HOXB3: variants seen among roughly 807,000 people sequenced by gnomAD.
HOXB3 encodes the protein homeobox B3.
Under a neutral mutation model 29.2 loss-of-function variants are expected in HOXB3, and 17 were observed. The ratio of observed to expected loss-of-function variants is 0.58; its 90% CI spans 0.40 to 0.87. The LOEUF (loss-of-function observed/expected upper bound fraction) is 0.87, where lower values mean the gene tolerates loss of function less well. Among genes scored for constraint, HOXB3 ranks in the 40% least tolerant of loss-of-function variants. HOXB3 has a pLI of 0.00. For missense variants in HOXB3, 637 were observed against 616.3 expected, an observed-to-expected ratio of 1.03 and a Z score of -0.35; for synonymous variants, 317 against 285.9, an observed-to-expected ratio of 1.11 and a Z score of -1.10.
At chr17:48,561,436 A>G (rs2069195185) in intron 2 of HOXB3, among the ~76,000 whole-genome samples, 1 of 152,250 alleles carries the variant, frequency 6.6e-6, no homozygotes, top group African/African-American at 2.4e-5. Flanking sequence ...GGAATAGTCC[A>G]GATTCCAGTG....
chr17:48,555,417 A>C, intron 3 of HOXB3, 114 bp downstream of exon 3: 1 of 688,788 alleles, frequency 1.5e-6, no homozygotes, highest in Non-Finnish European at 2.7e-6. Flanking sequence ...CGTGGAAGGA[A>C]GCTTAAAGCT....
intron 1 of HOXB3, chr17:48,578,289 T>C (rs1348539633): frequency 1.1e-5 from 17 of 1,611,604 alleles, no homozygotes; most frequent in Admixed American, 1.7e-5. Context: ...TCGACATAGT[T>C]TGAGTTGATC....
chr17:48,555,675 C>A (rs2068956767), intron 2 of HOXB3, 57 bp from the exon 3 acceptor site: 1 of 694,688 alleles, frequency 1.4e-6, no homozygotes, highest in African/African-American at 1.8e-5. Flanking sequence ...CCCCGCCCCC[C>A]CGCCCCCGCC....
intron 1 of HOXB3, chr17:48,577,030 C>T (rs899388207): frequency 3.2e-6 from 5 of 1,572,818 alleles, no homozygotes; most frequent in Non-Finnish European, 4.3e-6. Flanking sequence ...ACTGGACACA[C>T]ACGGAGAGAG....
intron 1 of HOXB3, chr17:48,580,359 G>T (rs1344011450): frequency 7.3e-6 from 1 of 137,588 alleles, no homozygotes; most frequent in Non-Finnish European, 1.5e-5. Context: ...AACCCCAATC[G>T]GCTCCTCCGT....
chr17:48,555,866 C>T (rs965698793), intron 2 of HOXB3, among the ~76,000 whole-genome samples: 6 of 152,170 alleles, frequency 3.9e-5, no homozygotes, highest in African/African-American at 1.4e-4. Context: ...AATCCAGCTC[C>T]GGGCTCCAGC....
intron 2 of HOXB3, among the ~76,000 whole-genome samples, chr17:48,566,673 C>G (rs1471335125): frequency 3.3e-5 from 5 of 152,152 alleles, no homozygotes; most frequent in African/African-American, 1.2e-4. Flanking sequence ...ATGCTGAATT[C>G]AGAAGCTAAT....
At chr17:48,586,288 A>C (rs1181615279) in intron 1 of HOXB3, among the ~76,000 whole-genome samples, 1 of 152,208 alleles carries the variant, frequency 6.6e-6, no homozygotes, top group African/African-American at 2.4e-5. Flanking sequence ...TTGGGATCCG[A>C]CAGGTTCCCG....
intron 1 of HOXB3, chr17:48,578,399 C>T (rs912661794): frequency 5.3e-5 from 81 of 1,514,552 alleles, no homozygotes; most frequent in Non-Finnish European, 6.8e-5. Context: ...GAAAGCCCTC[C>T]TACTTACTGT....
chr17:48,549,981 T>G lies in HOXB3; in HGVS notation c.*353A>C. The G allele has an allele frequency of 4.6e-6, 1 of 215,264 alleles. No homozygotes were observed. Among genetic ancestry groups the G allele is most frequent in the Non-Finnish European group, 9.3e-6 (1 of 107,326 alleles). The allele number at this position is 215,264 out of a possible 1,614,324, so 13.3% of individuals were successfully genotyped here. On this transcript the variant is annotated 3_prime_UTR_variant, in exon 5 of 5. Coordinates refer to ENST00000498678, the MANE Select transcript of HOXB3 (RefSeq NM_001384749.1). ...TTGGTTGGTGATGGCCTAGCCATCT[T>G]GTCTGGTTTTTAAAATGTGCTTTTC...
At chr17:48,584,240 G>A (rs1049630817) in intron 1 of HOXB3, among the ~76,000 whole-genome samples, 6 of 152,340 alleles carry the variant, frequency 3.9e-5, no homozygotes, top group African/African-American at 1.4e-4. Flanking sequence ...ATCCAAATAG[G>A]AAGAGAAGGA....
chr17:48,587,152 G>A (rs576032320), intron 1 of HOXB3, among the ~76,000 whole-genome samples: 25 of 152,222 alleles, frequency 1.6e-4, no homozygotes, highest in African/African-American at 5.5e-4. Context: ...CATGTGCAGA[G>A]GGCCCTCCAA....
At chr17:48,577,822 G>T in intron 1 of HOXB3, 1 of 1,374,868 alleles carries the variant, frequency 7.3e-7, no homozygotes. Context: ...TTGGTGTAAA[G>T]CTCCAGGGGT....
chr17:48,566,869 C>T (rs1420838855), intron 2 of HOXB3, among the ~76,000 whole-genome samples: 1 of 152,178 alleles, frequency 6.6e-6, no homozygotes, highest in Non-Finnish European at 1.5e-5. Context: ...AGAAGTAGAA[C>T]TGCTTGCCTC....
intron 2 of HOXB3, among the ~76,000 whole-genome samples, chr17:48,572,014 C>T (rs1204657300): frequency 6.6e-6 from 1 of 152,170 alleles, no homozygotes; most frequent in East Asian, 1.9e-4. Flanking sequence ...CTTTCTCTTT[C>T]TCTTTGTCTC....
chr17:48,555,367 AGG>A (rs61702349), intron 3 of HOXB3, 162 bp downstream of exon 3: 231,704 of 441,224 alleles, frequency 0.53, 40,594 homozygotes, highest in Middle Eastern at 0.57. Context: ...AGAGAGAGGG[AGG>A]GAGGGAGGGA....
At position 48,576,906 on chromosome 17, in the gene HOXB3, C is replaced by T. The variant is rs752710819; in HGVS notation, c.-424-2892G>A. 4.3e-6 allele frequency: 7 copies of T among 1,614,126 alleles called. No homozygotes were observed. The African/African-American group carries it at 8.0e-5, about 18-fold the overall frequency. On this transcript the variant is annotated intron_variant, in intron 1 of 4. Coordinates refer to ENST00000498678, the MANE Select transcript of HOXB3 (RefSeq NM_001384749.1). ...GAGCGCGTGGGCGATCTCCACCCTC[C>T]GGCGCCGTGTCAGGTAGCGGTTGTA... is the stretch of plus-strand genomic sequence containing the variant.
intron 2 of HOXB3, among the ~76,000 whole-genome samples, chr17:48,564,131 A>G (rs2069297846): frequency 6.6e-6 from 1 of 150,880 alleles, no homozygotes; most frequent in African/African-American, 2.4e-5. Flanking sequence ...CCCAGGAGAG[A>G]GGCCTGGGGG....
chr17:48,565,516 C>T (rs763636638), intron 2 of HOXB3, among the ~76,000 whole-genome samples: 3 of 152,170 alleles, frequency 2.0e-5, no homozygotes, highest in South Asian at 4.1e-4. Flanking sequence ...CTGTTGTCTC[C>T]GTTCCTTTCT....
Sources: gnomAD v4.1 joint callset for allele counts (sites outside exome capture counted in the v4.1 genomes callset) on GRCh38, gnomAD v4.1.1 for gene constraint, MANE v1.5 for transcripts, NCBI Gene and HGNC (gene_info 2026-07-23, HGNC 2026-07-21) for gene names.